Variants in ANO6 observed in about 807,000 individuals in gnomAD.
The protein encoded by ANO6 is anoctamin-6.
ANO6 carries 106 observed loss-of-function variants against 117.5 expected under a neutral mutation model. The ratio of observed to expected loss-of-function variants is 0.90; its 90% CI spans 0.77 to 1.06. ANO6 has a LOEUF of 1.06. Among genes scored for constraint, ANO6 ranks in the 50% least tolerant of loss-of-function variants. The pLI is 0.00. For missense variants in ANO6, 955 were observed against 1,121.1 expected, an observed-to-expected ratio of 0.85 and a Z score of 2.12; for synonymous variants, 367 against 385.1, an observed-to-expected ratio of 0.95 and a Z score of 0.55.
chr12:45,358,180 G>A (rs747365035), intron 8 of ANO6, among the ~76,000 whole-genome samples: 13 of 152,154 alleles, frequency 8.5e-5, no homozygotes, highest in Admixed American at 1.3e-4. Context: ...AAAATTTCTG[G>A]GCACCAGCAA....
intron 2 of ANO6, chr12:45,313,258 T>C (rs1939904377): frequency 6.6e-6 from 1 of 152,024 alleles, no homozygotes; most frequent in African/African-American, 2.4e-5. Flanking sequence ...TCCAGGGAAT[T>C]AGAAACCCTG....
intron 12 of ANO6, among the ~76,000 whole-genome samples, chr12:45,395,151 A>C (rs11543435): frequency 0.069 from 10,519 of 152,250 alleles, 559 homozygotes; most frequent in East Asian, 0.32. Context: ...AAAAATGATA[A>C]AGGGGATATT....
intron 1 of ANO6, among the ~76,000 whole-genome samples, chr12:45,245,222 T>C (rs1344414507): frequency 6.6e-6 from 1 of 152,228 alleles, no homozygotes; most frequent in East Asian, 1.9e-4. Context: ...TGGAGTTCTG[T>C]AAGCCACATA....
intron 4 of ANO6, 55 bp downstream of exon 4, chr12:45,347,142 G>C: frequency 6.5e-7 from 1 of 1,549,706 alleles, no homozygotes; most frequent in Non-Finnish European, 8.9e-7. Flanking sequence ...GGGCAGCTTC[G>C]TGCCACTTGG....
At chr12:45,345,294 A>G (rs759975247) in intron 3 of ANO6, among the ~76,000 whole-genome samples, 4 of 152,128 alleles carry the variant, frequency 2.6e-5, no homozygotes, top group Non-Finnish European at 5.9e-5. Flanking sequence ...ATATTCTTTT[A>G]CTTTTTGACC....
At chr12:45,349,239 C>T (rs59789543) in intron 6 of ANO6, among the ~76,000 whole-genome samples, 4,851 of 152,190 alleles carry the variant, frequency 0.032, 235 homozygotes, top group African/African-American at 0.11. Flanking sequence ...ACTTTTCTTC[C>T]TCATTTGGAA....
At chr12:45,251,648 G>A (rs1377137389) in intron 1 of ANO6, among the ~76,000 whole-genome samples, 1 of 152,178 alleles carries the variant, frequency 6.6e-6, no homozygotes, top group Non-Finnish European at 1.5e-5. Flanking sequence ...CTTCCAAGTC[G>A]CAGGTACCTT....
At chr12:45,357,684 AGAAAG>A (rs774565590) in intron 8 of ANO6, among the ~76,000 whole-genome samples, 1 of 152,206 alleles carries the variant, frequency 6.6e-6, no homozygotes, top group Non-Finnish European at 1.5e-5. Flanking sequence ...TGTTTGAAAA[AGAAAG>A]GAGGACTGGA....
At chr12:45,268,696 T>C (rs973620109) in intron 1 of ANO6, among the ~76,000 whole-genome samples, 3 of 152,168 alleles carry the variant, frequency 2.0e-5, no homozygotes, top group African/African-American at 7.2e-5. Context: ...GGCATTTCAT[T>C]CTTTCCTGTC....
At position 45,426,507 on chromosome 12, in the gene ANO6, C is replaced by A. The variant is rs11183030; in HGVS notation, c.2527-2598C>A. Among the ~76,000 whole-genome samples the A allele has an allele frequency of 2.3e-4, 35 of 152,140 alleles. No individual in the cohort carries two copies. In the South Asian group the frequency reaches 7.1e-3, roughly 31 times the overall value. On this transcript the variant is annotated intron_variant, in intron 19 of 19. Transcript: ENST00000320560. ...CTATCTTTCTATCATGCTTTCACCCCCTCCACTTCACTGAAGCTGCTCTTG... is the reference window on the plus strand; with the variant it reads ...CTATCTTTCTATCATGCTTTCACCCACTCCACTTCACTGAAGCTGCTCTTG...
chr12:45,234,639 C>T (rs918550497), intron 1 of ANO6, among the ~76,000 whole-genome samples: 1 of 152,104 alleles, frequency 6.6e-6, no homozygotes, highest in East Asian at 1.9e-4. Context: ...TTTTTCGAGC[C>T]TGGTTTCCAC....
chr12:45,417,023 C>T, intron 17 of ANO6, 119 bp downstream of exon 17: 1 of 975,786 alleles, frequency 1.0e-6, no homozygotes, highest in South Asian at 1.4e-5. Context: ...CTGTCATCCA[C>T]ATAAATGATA....
rs918646204 is a variant in ANO6, at chr12:45,327,961, G to A, written c.151-3334G>A. ...AGAAGCTGATAGTGTGGTTTAACAG[G>A]GCAGGAAGCAGACAGTGTGACTTGT... On this transcript the variant is annotated intron_variant, in intron 2 of 19. Coordinates refer to ENST00000320560, the MANE Select transcript of ANO6 (RefSeq NM_001025356.3). Among the ~76,000 whole-genome samples, 13 of 152,160 alleles carry A rather than the reference G, an allele frequency of 8.5e-5. No homozygotes were observed. The East Asian group carries it at 2.3e-3, about 27-fold the overall frequency.
intron 1 of ANO6, among the ~76,000 whole-genome samples, chr12:45,295,930 C>T (rs1243649223): frequency 1.3e-5 from 2 of 152,074 alleles, no homozygotes; most frequent in African/African-American, 2.4e-5. Flanking sequence ...GGTGCGGTCT[C>T]AGCTCACTGC....
chr12:45,403,686 A>G, intron 15 of ANO6, 150 bp downstream of exon 15: 1 of 700,626 alleles, frequency 1.4e-6, no homozygotes, highest in Non-Finnish European at 2.6e-6. Context: ...AGGTCTCCAG[A>G]CAACATAGTC....
At chr12:45,232,877 A>G (rs1012245775) in intron 1 of ANO6, among the ~76,000 whole-genome samples, 4 of 152,176 alleles carry the variant, frequency 2.6e-5, no homozygotes, top group African/African-American at 7.2e-5. Context: ...TTCTTGTGCT[A>G]AAGGAGAGGC....
intron 2 of ANO6, among the ~76,000 whole-genome samples, chr12:45,311,905 A>T (rs1490183518): frequency 6.6e-6 from 1 of 152,034 alleles, no homozygotes; most frequent in Non-Finnish European, 1.5e-5. Flanking sequence ...TCATTGATGT[A>T]TTTGCATTGC....
chr12:45,417,041 T>TA, intron 17 of ANO6, 137 bp downstream of exon 17: 1 of 831,936 alleles, frequency 1.2e-6, no homozygotes, highest in East Asian at 2.7e-5. Context: ...ATATAGTTGC[T>TA]ATATATAACC....
At chr12:45,350,507 A>T in intron 6 of ANO6, 152 bp from the exon 7 acceptor site, 1 of 697,780 alleles carries the variant, frequency 1.4e-6, no homozygotes, top group Non-Finnish European at 2.6e-6. Flanking sequence ...CCTGGTTAAG[A>T]ATCACTAAAA....
Sources: allele counts gnomAD v4.1 joint callset (sites outside exome capture counted in the v4.1 genomes callset), GRCh38; gene constraint gnomAD v4.1.1; transcripts MANE v1.5; gene names NCBI Gene and HGNC (gene_info 2026-07-23, HGNC 2026-07-21).